Variants in GCSH observed in about 807,000 individuals in gnomAD.
GCSH encodes the protein glycine cleavage system H protein, mitochondrial.
In GCSH, 15 loss-of-function variants were observed where a neutral mutation model predicts 21.3. The ratio of observed to expected loss-of-function variants is 0.70; its 90% confidence interval spans 0.47 to 1.08. The LOEUF is 1.08. Among genes scored for constraint, GCSH ranks in the 50% least tolerant of loss-of-function variants. GCSH has a pLI of 0.00. For missense variants in GCSH, 179 were observed against 217.5 expected (o/e 0.82, Z 1.11); for synonymous variants, 59 against 84.5 (o/e 0.70, Z 1.66).
intron 1 of GCSH, 108 bp from the exon 2 acceptor site, chr16:81,090,788 G>T: frequency 1.3e-6 from 1 of 781,428 alleles, no homozygotes. Flanking sequence ...TGTTTGACCT[G>T]TTGACACTAC....
At chr16:81,094,585 T>C (rs1208601209) in intron 1 of GCSH, among the ~76,000 whole-genome samples, 1 of 152,138 alleles carries the variant, frequency 6.6e-6, no homozygotes, top group African/African-American at 2.4e-5. Flanking sequence ...ACCTTTGTAT[T>C]CAAATTAGTG....
chr16:81,084,639 A>G (rs1316914184), intron 3 of GCSH, 45 bp from the exon 4 acceptor site: 2 of 1,452,806 alleles, frequency 1.4e-6, no homozygotes, highest in Non-Finnish European at 9.6e-7. Context: ...GTTAAAAGTC[A>G]GTTACTTGAA....
Position 81,096,138 on chromosome 16 carries a change from C to T in GCSH, c.141G>A (p.Leu47=). Residue 47 remains leucine, a synonymous_variant, in exon 1 of 5, where the codon CTG becomes CTA. Coordinates refer to ENST00000315467, the MANE Select transcript of GCSH (RefSeq NM_004483.5). ...CGTGCCCGCCGCGCTTACCCGAGAG[C>T]AGAGCGGGTCCAGTGCGCAGCGTAC... ...AVRTLRTGPA[L]LSVRKFTEKH... 4 of 1,267,976 alleles carry T rather than the reference C, an allele frequency of 3.2e-6. No individual in the cohort carries two copies. Among genetic ancestry groups the T allele is most frequent in the East Asian group, 6.3e-5 (2 of 31,686 alleles). The allele number at this position is 1,267,976 out of a possible 1,614,324, so 78.5% of individuals were successfully genotyped here.
At chr16:81,087,328 C>T (rs2316729) in intron 3 of GCSH, among the ~76,000 whole-genome samples, 1 of 152,016 alleles carries the variant, frequency 6.6e-6, no homozygotes, top group African/African-American at 2.4e-5. Flanking sequence ...GAGTTCGAGA[C>T]CAGCCTTGCC....
Position 81,084,474 on chromosome 16 carries a change from C to A in GCSH, c.413G>T (p.Cys138Phe). The A allele has an allele frequency of 6.2e-7, 1 of 1,609,854 alleles. No individual in the cohort carries two copies. The highest frequency in any genetic ancestry group is 8.5e-7 in the Non-Finnish European group (1 of 1,176,182). ...AENPGLVNKS[C>F]YEDGWLIKMT... ...TAGCAACAGCTTACCATCTTCATAA[C>A]AAGATTTGTTTACAAGTCCTGGATT... Residue 138 changes from cysteine (C) to phenylalanine (F), a missense_variant, in exon 4 of 5, where the codon TGT becomes TTT. Coordinates refer to ENST00000315467, the MANE Select transcript of GCSH (RefSeq NM_004483.5).
In GCSH at chr16:81,082,258, A is replaced by C. The variant is rs1039914337; in HGVS notation, c.*608T>G. On this transcript the variant is annotated 3_prime_UTR_variant, in exon 5 of 5. Transcript: ENST00000315467. ...TTAAAAAGTAACTTTCCGTAAGTTA[A>C]AGTTAGCACTTTCACAAATACTAGC... The C allele has an allele frequency of 2.2e-6, 1 of 451,370 alleles. No individual in the cohort carries two copies. The highest frequency in any genetic ancestry group is 2.0e-5 in the African/African-American group (1 of 49,878). 28.0% of individuals were successfully genotyped at this position (451,370 alleles called of 1,614,324 possible).
intron 2 of GCSH, among the ~76,000 whole-genome samples, 167 bp from the exon 3 acceptor site, chr16:81,087,831 A>G (rs374039024): frequency 2.0e-5 from 3 of 152,280 alleles, no homozygotes; most frequent in Non-Finnish European, 2.9e-5. Context: ...AAACATGTAA[A>G]AACTACTCTC....
chr16:81,084,806 G>C (rs911823311), intron 3 of GCSH, among the ~76,000 whole-genome samples: 1 of 151,088 alleles, frequency 6.6e-6, no homozygotes, highest in Non-Finnish European at 1.5e-5. Context: ...ACCTCCCAAG[G>C]GTTCATGCCA....
chr16:81,094,584 T>A (rs1054436624), intron 1 of GCSH, among the ~76,000 whole-genome samples: 2 of 152,138 alleles, frequency 1.3e-5, no homozygotes, highest in Non-Finnish European at 2.9e-5. Flanking sequence ...TACCTTTGTA[T>A]TCAAATTAGT....
rs1425683873 is a variant in GCSH, at chr16:81,082,076, C to G, written c.*790G>C. 2.2e-6 allele frequency: 1 copy of G among 453,966 alleles called. No individual in the cohort carries two copies. The highest frequency in any genetic ancestry group is 2.0e-5 in the African/African-American group (1 of 49,992). 28.1% of individuals were successfully genotyped at this position (453,966 alleles called of 1,614,324 possible). On this transcript the variant is annotated 3_prime_UTR_variant, in exon 5 of 5. Coordinates refer to ENST00000315467, the MANE Select transcript of GCSH (RefSeq NM_004483.5). ...AAACTTCCACCTTCCTCTGTCTTTC[C>G]TCTTCTTTCTTCAGACCTCGCATGA...
chr16:81,088,378 C>T (rs1972326998), intron 2 of GCSH, among the ~76,000 whole-genome samples: 4 of 152,186 alleles, frequency 2.6e-5, no homozygotes, highest in Admixed American at 2.6e-4. Context: ...GCCTCCTGCC[C>T]CACACAAGAC....
At chr16:81,084,872 C>T (rs975474068) in intron 3 of GCSH, among the ~76,000 whole-genome samples, 14 of 151,692 alleles carry the variant, frequency 9.2e-5, no homozygotes, top group Non-Finnish European at 1.9e-4. Flanking sequence ...CCTGCCACCA[C>T]GCCCGTCTAA....
At position 81,091,585 on chromosome 16, in the gene GCSH, T is replaced by C. The variant is rs556294150; in HGVS notation, c.149-905A>G. Among the ~76,000 whole-genome samples, 4 of 152,354 alleles carry C rather than the reference T, an allele frequency of 2.6e-5. 1 individual carries two copies. The South Asian group carries it at 8.3e-4, about 32-fold the overall frequency. On this transcript the variant is annotated intron_variant, in intron 1 of 4. Transcript: ENST00000315467. ...CATATGCTATATTAAATACAGTTCA[T>C]ATTCTGACACCAAGTATTTTTCTAA...
At chr16:81,094,129 A>T (rs1972454275) in intron 1 of GCSH, among the ~76,000 whole-genome samples, 1 of 151,926 alleles carries the variant, frequency 6.6e-6, no homozygotes, top group Admixed American at 6.6e-5. Flanking sequence ...TGAACTCCTG[A>T]CCTCAGGTGA....
chr16:81,089,113 C>T (rs1972341677), intron 2 of GCSH, among the ~76,000 whole-genome samples: 1 of 152,190 alleles, frequency 6.6e-6, no homozygotes, highest in African/African-American at 2.4e-5. Flanking sequence ...GAATTTTGTA[C>T]AGTCACGTGC....
Position 81,082,571 on chromosome 16 carries a change from C to T in GCSH, c.*295G>A. The T allele has an allele frequency of 3.0e-6, 1 of 338,866 alleles. No homozygotes were observed. Among genetic ancestry groups the T allele is most frequent in the Non-Finnish European group, 5.5e-6 (1 of 183,146 alleles). 21.0% of individuals were successfully genotyped at this position (338,866 alleles called of 1,614,324 possible). A position where few individuals can be genotyped will look rare whatever the true frequency, so the allele number is the denominator to read the frequency against. ...TAAGGCTTAAGAATAACAATGTTAT[C>T]TTTGAATTATGTAATTTTTATAACT... On this transcript the variant is annotated 3_prime_UTR_variant, in exon 5 of 5. Transcript: ENST00000315467.
chr16:81,089,032 A>G (rs8177895), intron 2 of GCSH, among the ~76,000 whole-genome samples: 5,309 of 152,314 alleles, frequency 0.035, 248 homozygotes, highest in African/African-American at 0.11. Context: ...TGGGCCTCAT[A>G]GTAGGTATAC....
At chr16:81,094,088 C>T (rs1242976040) in intron 1 of GCSH, among the ~76,000 whole-genome samples, 4 of 151,894 alleles carry the variant, frequency 2.6e-5, no homozygotes, top group African/African-American at 9.7e-5. Context: ...TTGGTAGAGA[C>T]AGGGTTTCAC....
In GCSH at chr16:81,090,657, C is replaced by T. The variant is rs932937369; in HGVS notation, c.172G>A (p.Glu58Lys). 2 of 1,612,734 alleles carry T rather than the reference C, an allele frequency of 1.2e-6. No individual in the cohort carries two copies. The highest frequency in any genetic ancestry group is 2.7e-5 in the African/African-American group (2 of 74,894). Residue 58 changes from glutamate to lysine, a missense_variant, in exon 2 of 5, where the codon GAA becomes AAA. Physicochemically the swap from Glu to Lys is moderately conservative, Grantham distance 56 (BLOSUM62 1). Coordinates refer to ENST00000315467, the MANE Select transcript of GCSH (RefSeq NM_004483.5). ...LSVRKFTEKH[E>K]WVTTENGIGT... is the part of the protein sequence containing the mutation. Reference sequence around the variant, plus strand: ...ATGCCATTTTCTGTTGTTACCCATTCGTGTTTCTCTGTGAATTTACGCACT... The same window carrying T: ...ATGCCATTTTCTGTTGTTACCCATTTGTGTTTCTCTGTGAATTTACGCACT...
Sources: gnomAD v4.1 joint callset for allele counts (sites outside exome capture counted in the v4.1 genomes callset) on GRCh38, gnomAD v4.1.1 for gene constraint, MANE v1.5 for transcripts, NCBI Gene and HGNC (gene_info 2026-07-23, HGNC 2026-07-21) for gene names.